The following COQ10B variants were observed in gnomAD, a reference collection of about 807,000 sequenced individuals.
COQ10B encodes coenzyme Q10B.
COQ10B carries 12 observed loss-of-function variants against 27.6 expected under a neutral mutation model. That is an observed-to-expected ratio of 0.43 (90% CI 0.28 to 0.70). The LOEUF (loss-of-function observed/expected upper bound fraction) is 0.70, where lower values mean the gene tolerates loss of function less well. COQ10B is among the 30% of genes least tolerant of loss of function. COQ10B has a pLI of 0.17. For synonymous variants in COQ10B, 115 were observed against 103.0 expected (o/e 1.12, Z -0.71); for missense variants, 278 against 288.7 (o/e 0.96, Z 0.27).
chr2:197,461,994 G>A (rs183689983), intron 2 of COQ10B, among the ~76,000 whole-genome samples: 4 of 152,116 alleles, frequency 2.6e-5, no homozygotes, highest in Admixed American at 2.6e-4. Flanking sequence ...TTTAGGCCGG[G>A]CGCGGTGGCT....
intron 3 of COQ10B, among the ~76,000 whole-genome samples, chr2:197,468,737 C>G (rs2085850326): frequency 6.6e-6 from 1 of 152,046 alleles, no homozygotes; most frequent in Admixed American, 6.6e-5. Flanking sequence ...GCAGGAGGTT[C>G]ACTTGAGCCC....
At chr2:197,472,682 T>C (rs1193455038) in intron 4 of COQ10B, among the ~76,000 whole-genome samples, 1 of 151,304 alleles carries the variant, frequency 6.6e-6, no homozygotes, top group East Asian at 1.9e-4. Context: ...CAGGTGCCTG[T>C]GGTCCCAGCT....
intron 1 of COQ10B, among the ~76,000 whole-genome samples, chr2:197,457,887 G>A (rs1045681017): frequency 6.6e-6 from 1 of 152,186 alleles, no homozygotes; most frequent in Non-Finnish European, 1.5e-5. Flanking sequence ...CTCCCAAAGT[G>A]CTGAAATTAC....
intron 1 of COQ10B, among the ~76,000 whole-genome samples, chr2:197,456,992 G>A (rs1574577813): frequency 6.6e-6 from 1 of 152,014 alleles, no homozygotes; most frequent in East Asian, 1.9e-4. Flanking sequence ...TCTACAAATG[G>A]GGGTGGTGGG....
intron 2 of COQ10B, among the ~76,000 whole-genome samples, chr2:197,460,609 A>G (rs1038760141): frequency 6.6e-6 from 1 of 152,156 alleles, no homozygotes; most frequent in Non-Finnish European, 1.5e-5. Flanking sequence ...TTTTTTGTAC[A>G]TTGTTCTTTT....
At chr2:197,459,483 G>T (rs555780834) in intron 1 of COQ10B, among the ~76,000 whole-genome samples, 2 of 152,216 alleles carry the variant, frequency 1.3e-5, no homozygotes, top group South Asian at 2.1e-4. Flanking sequence ...TCACCATCTG[G>T]TAGGTGGTCC....
At chr2:197,464,028 T>TAC (rs1480553546) in intron 3 of COQ10B, among the ~76,000 whole-genome samples, 1 of 76,094 alleles carries the variant, frequency 1.3e-5, no homozygotes, top group Admixed American at 1.8e-4. Flanking sequence ...CACACACACA[T>TAC]ACATACACAC....
intron 2 of COQ10B, 78 bp downstream of exon 2, chr2:197,460,159 T>C: frequency 1.0e-6 from 1 of 958,712 alleles, no homozygotes; most frequent in East Asian, 2.9e-5. Context: ...CCTCTTTCTC[T>C]CTGGATTATC....
chr2:197,454,046 G>A, intron 1 of COQ10B: 1 of 1,551,218 alleles, frequency 6.4e-7, no homozygotes, highest in East Asian at 2.4e-5. Flanking sequence ...GTTTGTGTTT[G>A]GCGGTGAGCC....
At chr2:197,462,268 C>T (rs1420696059) in intron 2 of COQ10B, among the ~76,000 whole-genome samples, 2 of 87,170 alleles carry the variant, frequency 2.3e-5, no homozygotes, top group South Asian at 6.9e-4. Context: ...GACTCCATCT[C>T]AAAAAAAAAA....
At chr2:197,455,783 G>A (rs143094960) in intron 1 of COQ10B, among the ~76,000 whole-genome samples, 59 of 152,240 alleles carry the variant, frequency 3.9e-4, no homozygotes, top group Middle Eastern at 3.4e-3. Flanking sequence ...AACATAGCAA[G>A]ACCTTGTTTC....
At chr2:197,471,761 G>A (rs957845225) in intron 4 of COQ10B, among the ~76,000 whole-genome samples, 1 of 151,988 alleles carries the variant, frequency 6.6e-6, no homozygotes, top group Non-Finnish European at 1.5e-5. Flanking sequence ...GGCCAACATG[G>A]CGAAACCCCA....
intron 3 of COQ10B, among the ~76,000 whole-genome samples, chr2:197,468,219 T>C (rs968598392): frequency 2.0e-5 from 3 of 151,668 alleles, no homozygotes; most frequent in African/African-American, 7.3e-5. Context: ...GGCGGGGGGA[T>C]CAGGAGGTCA....
chr2:197,455,358 G>A (rs2085684595), intron 1 of COQ10B, among the ~76,000 whole-genome samples: 1 of 152,068 alleles, frequency 6.6e-6, no homozygotes, highest in African/African-American at 2.4e-5. Context: ...GGGCGCAGTG[G>A]CTTATGCCTG....
At chr2:197,465,950 G>A (rs1301144705) in intron 3 of COQ10B, among the ~76,000 whole-genome samples, 2 of 152,098 alleles carry the variant, frequency 1.3e-5, no homozygotes, top group East Asian at 1.9e-4. Flanking sequence ...AACTTAGCCA[G>A]GCGTGGTGGT....
intron 1 of COQ10B, 165 bp downstream of exon 1, chr2:197,453,829 C>T (rs1184748397): frequency 4.8e-6 from 5 of 1,043,110 alleles, no homozygotes; most frequent in Non-Finnish European, 7.0e-6. Flanking sequence ...GACTCAAGAG[C>T]GGCGCGCATC....
chr2:197,469,742 T>C (rs1438746257), intron 3 of COQ10B, among the ~76,000 whole-genome samples: 23 of 152,206 alleles, frequency 1.5e-4, no homozygotes, highest in Admixed American at 1.5e-3. Flanking sequence ...CGATCACTTA[T>C]ATGTGGCAGA....
rs1333552166 is a variant in COQ10B, at chr2:197,474,924, TG to T, written c.*1001del. 6.6e-6 allele frequency: 1 copy of T among 152,012 alleles called. No homozygotes were observed. Among genetic ancestry groups the T allele is most frequent in the Non-Finnish European group, 1.5e-5 (1 of 67,998 alleles). 9.4% of individuals were successfully genotyped at this position (152,012 alleles called of 1,614,324 possible). A position where few individuals can be genotyped will look rare whatever the true frequency, so the allele number is the denominator to read the frequency against. On this transcript the variant is annotated 3_prime_UTR_variant, in exon 5 of 5. Transcript: ENST00000263960. ...GCTGCTCTTTCAGTAATGCTAATTG[TG>T]TGTCAAATTTTGTCTACAACAGTAG... is the stretch of plus-strand genomic sequence containing the variant.
chr2:197,462,517 T>G (rs2085772045), intron 2 of COQ10B, 22 bp from the exon 3 acceptor site: 2 of 1,369,196 alleles, frequency 1.5e-6, no homozygotes, highest in African/African-American at 3.0e-5. Context: ...TAACACCTCT[T>G]TTTTATTTTT....
Sources: gnomAD v4.1 joint callset for allele counts (sites outside exome capture counted in the v4.1 genomes callset) on GRCh38, gnomAD v4.1.1 for gene constraint, MANE v1.5 for transcripts, NCBI Gene and HGNC (gene_info 2026-07-23, HGNC 2026-07-21) for gene names.